ASIC2: variants seen among roughly 807,000 people sequenced by gnomAD.
ASIC2 encodes acid sensing ion channel subunit 2.
In ASIC2, 25 loss-of-function variants were observed where a neutral mutation model predicts 57.3. The ratio of observed to expected loss-of-function variants is 0.44; its 90% CI spans 0.32 to 0.61. The LOEUF is 0.61. ASIC2 is among the 20% of genes least tolerant of loss of function. The pLI is 0.06. For missense variants in ASIC2, 641 were observed against 738.1 expected (o/e 0.87, Z 1.52); for synonymous variants, 319 against 307.5 (o/e 1.04, Z -0.39).
intron 1 of ASIC2, among the ~76,000 whole-genome samples, chr17:33,370,864 A>T (rs1909031274): frequency 6.6e-6 from 1 of 152,220 alleles, no homozygotes; most frequent in South Asian, 2.1e-4. Context: ...TGGATCTCAC[A>T]CAAGAAAGAA....
chr17:33,500,053 A>G (rs568827523), intron 1 of ASIC2, among the ~76,000 whole-genome samples: 10 of 152,320 alleles, frequency 6.6e-5, no homozygotes, highest in African/African-American at 2.4e-4. Context: ...AAAAAAAGAA[A>G]AGAAAACGGG....
At chr17:33,917,569 A>G (rs1176029882) in intron 1 of ASIC2, among the ~76,000 whole-genome samples, 1 of 152,098 alleles carries the variant, frequency 6.6e-6, no homozygotes, top group Non-Finnish European at 1.5e-5. Flanking sequence ...AACCTACTGA[A>G]TAGTTCCTGA....
At chr17:33,295,320 A>G (rs553124289), upstream of ASIC2, among the ~76,000 whole-genome samples, 5 of 152,324 alleles carry the variant, frequency 3.3e-5, no homozygotes, top group African/African-American at 9.6e-5. Context: ...CTAGAGAAAG[A>G]CACACGGGCA....
intron 1 of ASIC2, among the ~76,000 whole-genome samples, chr17:33,860,516 T>C (rs1004513468): frequency 2.6e-5 from 4 of 152,204 alleles, no homozygotes; most frequent in African/African-American, 9.6e-5. Context: ...TTCTTTCCAA[T>C]GGTTGACTTT....
intron 1 of ASIC2, among the ~76,000 whole-genome samples, chr17:33,924,402 C>T (rs1002577177): frequency 5.3e-5 from 8 of 152,196 alleles, no homozygotes; most frequent in African/African-American, 1.9e-4. Context: ...TGGAGTCCGC[C>T]AGGTGTGGCA....
chr17:33,932,105 T>A lies in ASIC2; in HGVS notation c.555+223873A>T, dbSNP rs958935377. On this transcript the variant is annotated intron_variant, in intron 1 of 9. Transcript: ENST00000359872. ...AGGCAGGGTCAATTCCAACGCCACC[T>A]TCCCAGGGTGATCTGGAATGGGTTC... 3.9e-5 allele frequency among the ~76,000 whole-genome samples: 6 copies of A among 152,120 alleles called. No individual in the cohort carries two copies. In the South Asian group the frequency reaches 6.2e-4, roughly 16 times the overall value.
intron 3 of ASIC2, among the ~76,000 whole-genome samples, chr17:33,083,266 A>G (rs1436822338): frequency 6.6e-6 from 1 of 152,182 alleles, no homozygotes; most frequent in Non-Finnish European, 1.5e-5. Flanking sequence ...AGACTATAAG[A>G]GACAAGGGCT....
intron 1 of ASIC2, among the ~76,000 whole-genome samples, chr17:34,048,687 T>C (rs1019284742): frequency 1.3e-5 from 2 of 152,184 alleles, no homozygotes; most frequent in African/African-American, 4.8e-5. Flanking sequence ...CCATCACTCC[T>C]TTCTTTCCAG....
rs142336057 is a variant in ASIC2, at chr17:33,099,335, T to C, written c.860-10345A>G. Among the ~76,000 whole-genome samples, 29 of 152,224 alleles carry C rather than the reference T, an allele frequency of 1.9e-4. 1 individual carries two copies. The highest frequency in any genetic ancestry group is 1.7e-3 in the South Asian group (8 of 4,824). The stretch of plus-strand genomic sequence containing the variant: ...CCCAGCCGCTTACCGCATTTTAAAA[T>C]GAGTTAATCTGTTAAATGACTAGAA... On this transcript the variant is annotated intron_variant, in intron 2 of 9. Transcript: ENST00000225823.
chr17:33,289,128 G>T (rs1407995559), intron 1 of ASIC2, among the ~76,000 whole-genome samples: 1 of 152,156 alleles, frequency 6.6e-6, no homozygotes, highest in Non-Finnish European at 1.5e-5. Context: ...CCCAGGACTG[G>T]GCCATGATAG....
chr17:33,195,849 T>C (rs2142072874), intron 1 of ASIC2, among the ~76,000 whole-genome samples: 1 of 152,204 alleles, frequency 6.6e-6, no homozygotes, highest in African/African-American at 2.4e-5. Context: ...GGTCATAGAG[T>C]GGGCTGTGGC....
At chr17:33,750,246 A>G (rs1447638133) in intron 1 of ASIC2, among the ~76,000 whole-genome samples, 1 of 152,134 alleles carries the variant, frequency 6.6e-6, no homozygotes, top group Admixed American at 6.5e-5. Flanking sequence ...ACTCTGCAGA[A>G]GACTATCCAG....
At chr17:33,339,473 A>G (rs2142235263) in intron 1 of ASIC2, among the ~76,000 whole-genome samples, 1 of 152,308 alleles carries the variant, frequency 6.6e-6, no homozygotes. Flanking sequence ...TGGCCTGTGG[A>G]TCATAGGTTG....
At chr17:33,919,557 A>G (rs188666575) in intron 1 of ASIC2, among the ~76,000 whole-genome samples, 93 of 152,352 alleles carry the variant, frequency 6.1e-4, no homozygotes, top group African/African-American at 2.2e-3. Context: ...CTCAAGCTAT[A>G]TAAAAAAAAT....
intron 1 of ASIC2, among the ~76,000 whole-genome samples, chr17:34,021,146 T>C (rs529569452): frequency 6.6e-6 from 1 of 152,196 alleles, no homozygotes; most frequent in South Asian, 2.1e-4. Flanking sequence ...CTGTGTACAC[T>C]GCTTGGGTGA....
Position 33,636,009 on chromosome 17 carries a change from T to C in ASIC2, c.555+519969A>G, listed in dbSNP as rs549782471. Among the ~76,000 whole-genome samples the C allele has an allele frequency of 1.2e-4, 18 of 152,358 alleles. No individual in the cohort carries two copies. The South Asian group carries it at 3.5e-3, about 30-fold the overall frequency. On this transcript the variant is annotated intron_variant, in intron 1 of 9. Transcript: ENST00000359872. The stretch of plus-strand genomic sequence containing the variant: ...CATTTCAATGACGGATACAATTTTA[T>C]ATTAATTGACATGGACTGATGCCCA...
At chr17:33,062,246 G>T (rs2092023834) in intron 3 of ASIC2, among the ~76,000 whole-genome samples, 1 of 152,030 alleles carries the variant, frequency 6.6e-6, no homozygotes, top group African/African-American at 2.4e-5. Context: ...TCTTTTAATT[G>T]TGATGTTAGG....
At chr17:33,051,812 T>C (rs16580) in intron 3 of ASIC2, among the ~76,000 whole-genome samples, 28,107 of 152,046 alleles carry the variant, frequency 0.18, 2,683 homozygotes, top group Non-Finnish European at 0.21. Context: ...GACAGAAAAA[T>C]TTTGTCTGCC....
intron 1 of ASIC2, among the ~76,000 whole-genome samples, chr17:33,922,887 C>T (rs1450316656): frequency 2.0e-5 from 3 of 152,150 alleles, no homozygotes; most frequent in Non-Finnish European, 2.9e-5. Context: ...CCTATCTCAG[C>T]TGGCTGGGGA....
Sources: allele counts gnomAD v4.1 joint callset (sites outside exome capture counted in the v4.1 genomes callset), GRCh38; gene constraint gnomAD v4.1.1; transcripts MANE v1.5; gene names NCBI Gene and HGNC (gene_info 2026-07-23, HGNC 2026-07-21).